The following ZNF485 variants were observed in gnomAD, a reference collection of about 807,000 sequenced individuals.
The protein encoded by ZNF485 is Zinc finger protein 93 (Zinc finger protein HTF34).
In ZNF485, 9 loss-of-function variants were observed where a neutral mutation model predicts 10.8. That is an observed-to-expected ratio of 0.83 (90% confidence interval 0.50 to 1.45). The LOEUF (loss-of-function observed/expected upper bound fraction) is 1.45. Ranked by LOEUF, ZNF485 falls within the 40% of genes most tolerant of loss-of-function variation. The probability of loss-of-function intolerance (pLI) is 0.00; values close to 1 mark genes in which losing one functional copy is unlikely to be tolerated. For synonymous variants in ZNF485, 187 were observed against 181.0 expected (o/e 1.03, Z -0.27); for missense variants, 487 against 528.0 (o/e 0.92, Z 0.76).
In ZNF485 at chr10:43,616,521, T is replaced by G. The variant is rs777308183; in HGVS notation, c.478T>G (p.Cys160Gly). The G allele has an allele frequency of 6.2e-7, 1 of 1,614,136 alleles. No homozygotes were observed. Among genetic ancestry groups the G allele is most frequent in the Non-Finnish European group, 8.5e-7 (1 of 1,180,010 alleles). Residue 160 changes from cysteine to glycine, a missense_variant, in exon 5 of 5, where the codon TGT becomes GGT. Transcript: ENST00000361807. Reference sequence around the variant, plus strand: ...TCACACCAGTGAGAAACCACATAAATGTAAAGAATGTGGGATCGCCTTTAT... The same window carrying G: ...TCACACCAGTGAGAAACCACATAAAGGTAAAGAATGTGGGATCGCCTTTAT... ...RNHTSEKPHKCKECGIAFMNS... is the reference protein window; with the variant it reads ...RNHTSEKPHKGKECGIAFMNS...
At position 43,608,740 on chromosome 10, in the gene ZNF485, G is replaced by A; in HGVS notation, c.151G>A (p.Gly51Arg). 6.2e-7 allele frequency: 1 copy of A among 1,613,690 alleles called. No homozygotes were observed. Among genetic ancestry groups the A allele is most frequent in the Non-Finnish European group, 8.5e-7 (1 of 1,179,800 alleles). Residue 51 changes from glycine to arginine, a missense_variant and splice_region_variant, in exon 3 of 5, where the codon GGG becomes AGG. Coordinates refer to ENST00000361807, the MANE Select transcript of ZNF485 (RefSeq NM_145312.4). The part of the protein sequence containing the change: ...LENYGNLVSV[G>R]LLSSKPKLIT... ...GAACTATGGGAATCTGGTGTCTGTG[G>A]GTGAGGATGGCTTTCTCCTTGACTC...
chr10:43,615,268 TTAC>T (rs1277977053), intron 4 of ZNF485, among the ~76,000 whole-genome samples: 1 of 152,264 alleles, frequency 6.6e-6, no homozygotes, highest in Non-Finnish European at 1.5e-5. Flanking sequence ...ATTGTTAATT[TTAC>T]TACAAGTTTG....
At chr10:43,616,085 ATTCTT>A (rs1400984624) in intron 4 of ZNF485, among the ~76,000 whole-genome samples, 3 of 152,136 alleles carry the variant, frequency 2.0e-5, no homozygotes, top group African/African-American at 7.2e-5. Context: ...TATAGTACAG[ATTCTT>A]TTCTTTTCTT....
In ZNF485 at chr10:43,609,335, T is replaced by G. The variant is rs1838721949; in HGVS notation, c.232T>G (p.Ser78Ala). Residue 78 changes from serine to alanine, a missense_variant, in exon 4 of 5, where the codon TCA (serine) becomes GCA (alanine). By Grantham distance (99) the Ser-to-Ala change is moderately conservative. Transcript: ENST00000361807. ...CTGGACTGAGGTGCGAGAGGCTCCA[T>G]CAGGCACACATGCAGGTGAGTGGGT... is the stretch of plus-strand genomic sequence containing the variant. ...EPWTEVREAP[S>A]GTHAVEDYWF... 2 of 1,613,800 alleles carry G rather than the reference T, an allele frequency of 1.2e-6. No homozygotes were observed. Among genetic ancestry groups the G allele is most frequent in the Non-Finnish European group, 8.5e-7 (1 of 1,179,762 alleles).
intron 3 of ZNF485, 43 bp from the exon 4 acceptor site, chr10:43,609,212 A>G: frequency 7.4e-7 from 1 of 1,348,720 alleles, no homozygotes; most frequent in East Asian, 2.5e-5. Flanking sequence ...CTTTTCATTC[A>G]TTTTTTTTTT....
intron 2 of ZNF485, among the ~76,000 whole-genome samples, chr10:43,607,886 G>A (rs1448967159): frequency 6.6e-6 from 1 of 152,112 alleles, no homozygotes; most frequent in Non-Finnish European, 1.5e-5. Context: ...CTGGGACCTT[G>A]AGCAAGTTCT....
In ZNF485 at chr10:43,617,459, C is replaced by T; in HGVS notation, c.*90C>T. On this transcript the variant is annotated 3_prime_UTR_variant, in exon 5 of 5. Coordinates refer to ENST00000361807, the MANE Select transcript of ZNF485 (RefSeq NM_145312.4). Reference sequence around the variant, plus strand: ...ATGCATTTAACAGAAATACTCTGTACTTCTGAGAGAACACATCACTTGTGA... The same window carrying T: ...ATGCATTTAACAGAAATACTCTGTATTTCTGAGAGAACACATCACTTGTGA... 7 of 930,970 alleles carry T rather than the reference C, an allele frequency of 7.5e-6. No individual in the cohort carries two copies. Among genetic ancestry groups the T allele is most frequent in the Non-Finnish European group, 1.1e-5 (7 of 621,330 alleles). The allele number at this position is 930,970 out of a possible 1,614,324, so 57.7% of individuals were successfully genotyped here.
chr10:43,607,707 A>G (rs936923513), intron 2 of ZNF485, among the ~76,000 whole-genome samples: 3 of 152,230 alleles, frequency 2.0e-5, no homozygotes, highest in Admixed American at 6.5e-5. Flanking sequence ...AAAATTAAAG[A>G]TCACCTACAT....
At chr10:43,615,184 A>ATATTTAGGTATAGATATATAGTTGTATC (rs1304560634) in intron 4 of ZNF485, among the ~76,000 whole-genome samples, 1 of 152,208 alleles carries the variant, frequency 6.6e-6, no homozygotes, top group East Asian at 1.9e-4. Context: ...ATGTATGTGT[A>ATATTTAGGTATAGATATATAGTTGTATC]TATATCTTTA....
At chr10:43,611,037 C>T (rs28450697) in intron 4 of ZNF485, among the ~76,000 whole-genome samples, 1 of 151,672 alleles carries the variant, frequency 6.6e-6, no homozygotes, top group African/African-American at 2.4e-5. Flanking sequence ...TCTCCTCTCT[C>T]TCTTTCTTTC....
In ZNF485 at chr10:43,617,417, GA is replaced by G. The variant is rs1838887596; in HGVS notation, c.*49del. 7.6e-7 allele frequency: 1 copy of G among 1,317,322 alleles called. No individual in the cohort carries two copies. The highest frequency in any genetic ancestry group is 1.5e-5 in the African/African-American group (1 of 67,944). 81.6% of individuals were successfully genotyped at this position (1,317,322 alleles called of 1,614,324 possible). On this transcript the variant is annotated 3_prime_UTR_variant, in exon 5 of 5. Coordinates refer to ENST00000361807, the MANE Select transcript of ZNF485 (RefSeq NM_145312.4). ...TTTATTCCTTCTGACCATCATAGAG[GA>G]GACATTAAATAAATTATGCATTTAA...
At position 43,607,082 on chromosome 10, in the gene ZNF485, T is replaced by G; in HGVS notation, c.24+8T>G. 2 of 1,551,562 alleles carry G rather than the reference T, an allele frequency of 1.3e-6. No homozygotes were observed. The highest frequency in any genetic ancestry group is 1.7e-6 in the Non-Finnish European group (2 of 1,147,040). ...CCAAGAGCCCAGATCCAGGCAAGTTTGATTTTTCCATTTCTTGAGAAACCA... is the reference window on the plus strand; with the variant it reads ...CCAAGAGCCCAGATCCAGGCAAGTTGGATTTTTCCATTTCTTGAGAAACCA... On this transcript the variant is annotated splice_region_variant and intron_variant, in intron 2 of 4. Transcript: ENST00000361807.
chr10:43,613,769 A>G (rs866171038), intron 4 of ZNF485, among the ~76,000 whole-genome samples: 1 of 152,186 alleles, frequency 6.6e-6, no homozygotes, highest in African/African-American at 2.4e-5. Flanking sequence ...GTTCCCAGTT[A>G]TACTCCTTCA....
rs779181857 is a variant in ZNF485, at chr10:43,608,666, G to A, written c.77G>A (p.Arg26Lys). The A allele has an allele frequency of 1.9e-6, 3 of 1,614,138 alleles. No individual in the cohort carries two copies. The highest frequency in any genetic ancestry group is 3.3e-4 in the Middle Eastern group (2 of 6,062). The part of the protein sequence containing the change: ...VAVAFTRIEW[R>K]HLDAAQRALY... ...GTGGCCTTTACCCGGATTGAGTGGA[G>A]ACACCTGGATGCTGCTCAGCGGGCC... Residue 26 changes from arginine to lysine, a missense_variant, in exon 3 of 5, where the codon AGA (arginine) becomes AAA (lysine). Coordinates refer to ENST00000361807, the MANE Select transcript of ZNF485 (RefSeq NM_145312.4).
At chr10:43,611,191 A>G (rs994918216) in intron 4 of ZNF485, among the ~76,000 whole-genome samples, 1 of 151,988 alleles carries the variant, frequency 6.6e-6, no homozygotes, top group Non-Finnish European at 1.5e-5. Context: ...GCATGCTACC[A>G]CACCTGGCTA....
intron 2 of ZNF485, among the ~76,000 whole-genome samples, chr10:43,607,957 G>A (rs936659202): frequency 2.6e-5 from 4 of 152,086 alleles, no homozygotes; most frequent in African/African-American, 4.8e-5. Context: ...ATATAGTTAC[G>A]GCAGAAATTT....
chr10:43,611,657 C>T (rs1461516560), intron 4 of ZNF485, among the ~76,000 whole-genome samples: 3 of 152,158 alleles, frequency 2.0e-5, no homozygotes, highest in Non-Finnish European at 4.4e-5. Context: ...TATAGCTTGT[C>T]AGCAGTGTCT....
chr10:43,609,896 G>A (rs970001657), intron 4 of ZNF485, among the ~76,000 whole-genome samples: 1 of 151,942 alleles, frequency 6.6e-6, no homozygotes, highest in Non-Finnish European at 1.5e-5. Context: ...TATTAGTCAC[G>A]GCTGGTCTCG....
Position 43,617,237 on chromosome 10 carries a change from T to G in ZNF485, c.1194T>G (p.Val398=), listed in dbSNP as rs773409769. The G allele has an allele frequency of 1.2e-6, 2 of 1,614,142 alleles. No homozygotes were observed. Among genetic ancestry groups the G allele is most frequent in the Middle Eastern group, 1.7e-4 (1 of 6,056 alleles). Residue 398 remains valine (V), a synonymous_variant, in exon 5 of 5, where the codon GTT becomes GTG. Coordinates refer to ENST00000361807, the MANE Select transcript of ZNF485 (RefSeq NM_145312.4). ...GKAFRHSSGL[V]EHQRLHTGEK... ...CCTTTCGGCACAGCTCAGGCCTTGTTGAACATCAGAGACTCCATACTGGGG... is the reference window on the plus strand; with the variant it reads ...CCTTTCGGCACAGCTCAGGCCTTGTGGAACATCAGAGACTCCATACTGGGG...
Sources: gnomAD v4.1 joint callset for allele counts (sites outside exome capture counted in the v4.1 genomes callset) on GRCh38, gnomAD v4.1.1 for gene constraint, MANE v1.5 for transcripts, NCBI Gene and HGNC (gene_info 2026-07-23, HGNC 2026-07-21) for gene names.